Variants in NRXN2 observed in about 807,000 individuals in gnomAD.
NRXN2 encodes neurexin 2, also known as neurexin-2-beta.
In NRXN2, 29 loss-of-function variants were observed where a neutral mutation model predicts 128.8. The ratio of observed to expected loss-of-function variants is 0.23; its 90% CI spans 0.17 to 0.31. The LOEUF (loss-of-function observed/expected upper bound fraction) is 0.31. Among genes scored for constraint, NRXN2 ranks in the 10% least tolerant of loss-of-function variants. NRXN2 has a pLI of 1.00. For missense variants in NRXN2, 1,881 were observed against 2,452.6 expected, an observed-to-expected ratio of 0.77 and a Z score of 4.92; for synonymous variants, 1,098 against 1,075.2, an observed-to-expected ratio of 1.02 and a Z score of -0.41.
intron 9 of NRXN2, among the ~76,000 whole-genome samples, chr11:64,664,828 A>G (rs11605121): frequency 0.23 from 34,605 of 151,510 alleles, 4,188 homozygotes; most frequent in East Asian, 0.48. Flanking sequence ...CGTCTCCACT[A>G]AAAATACAAA....
chr11:64,713,537 A>AG lies in NRXN2; in HGVS notation c.162dup (p.Phe55LeufsTer242). Reference sequence around the variant, plus strand: ...CGCGTGGCGTTGGTGCGCAGGCTGAAGCTGAGCTCGCCGCTGCTCGCCGCG... The same window carrying AG: ...CGCGTGGCGTTGGTGCGCAGGCTGAAGGCTGAGCTCGCCGCTGCTCGCCGCG... On this transcript the variant is annotated frameshift_variant, in exon 2 of 23. Transcript: ENST00000265459. LOFTEE classifies it high-confidence loss of function. The AG allele has an allele frequency of 6.8e-7, 1 of 1,476,634 alleles. No homozygotes were observed. Among genetic ancestry groups the AG allele is most frequent in the Non-Finnish European group, 8.9e-7 (1 of 1,117,992 alleles). 91.5% of individuals were successfully genotyped at this position (1,476,634 alleles called of 1,614,324 possible). A position where few individuals can be genotyped will look rare whatever the true frequency, so the allele number is the denominator to read the frequency against.
intron 4 of NRXN2, among the ~76,000 whole-genome samples, chr11:64,691,679 A>G (rs1357425339): frequency 6.6e-6 from 1 of 152,186 alleles, no homozygotes; most frequent in Non-Finnish European, 1.5e-5. Flanking sequence ...CTGAGAGGCA[A>G]GAAGGATGTG....
intron 1 of NRXN2, among the ~76,000 whole-genome samples, chr11:64,718,785 G>A (rs2057363578): frequency 6.6e-6 from 1 of 152,122 alleles, no homozygotes; most frequent in Admixed American, 6.5e-5. Context: ...TTGGCAGACG[G>A]TGAACAGTTC....
At chr11:64,711,016 A>G (rs1365407328) in intron 2 of NRXN2, among the ~76,000 whole-genome samples, 1 of 152,190 alleles carries the variant, frequency 6.6e-6, no homozygotes, top group Non-Finnish European at 1.5e-5. Flanking sequence ...CCTTGTACCA[A>G]TAACCCCAAG....
intron 7 of NRXN2, 55 bp downstream of exon 7, chr11:64,676,938 C>G: frequency 1.4e-6 from 2 of 1,444,184 alleles, no homozygotes; most frequent in Non-Finnish European, 1.9e-6. Flanking sequence ...GAGAATCGAA[C>G]AGTTAAAAAA....
intron 20 of NRXN2, 105 bp downstream of exon 20, chr11:64,626,358 G>A (rs918144850): frequency 1.2e-6 from 1 of 861,976 alleles, no homozygotes; most frequent in African/African-American, 1.7e-5. Flanking sequence ...CCTTCACTTG[G>A]GGGTGGGCAT....
chr11:64,638,357 A>G (rs2045109717), intron 17 of NRXN2, among the ~76,000 whole-genome samples: 1 of 152,184 alleles, frequency 6.6e-6, no homozygotes, highest in Admixed American at 6.5e-5. Context: ...GGCGGCAGTA[A>G]TTACCCTGGG....
Position 64,623,319 on chromosome 11 carries a change from A to G in NRXN2, c.3848-241T>C. ...GAAGGGGAGGGCACCCAGGGTACAC[A>G]TGGGCTGGGGAAGGGGAGCCCAGTC... On this transcript the variant is annotated intron_variant, in intron 20 of 22. Coordinates refer to ENST00000265459, the MANE Select transcript of NRXN2 (RefSeq NM_015080.4). This position sits in a 1 kb window ranked among gnomAD's most constrained non-coding sequence, Gnocchi z 4.9. 1.6e-6 allele frequency: 1 copy of G among 622,212 alleles called. No homozygotes were observed. The highest frequency in any genetic ancestry group is 2.7e-6 in the Non-Finnish European group (1 of 365,358). The allele number at this position is 622,212 out of a possible 1,614,324, so 38.5% of individuals were successfully genotyped here.
intron 22 of NRXN2, among the ~76,000 whole-genome samples, chr11:64,615,858 GTGTGTGTGTGTA>G (rs2041413867): frequency 9.6e-6 from 1 of 104,132 alleles, no homozygotes; most frequent in Non-Finnish European, 2.1e-5. Flanking sequence ...GTGTGTGTGT[GTGTGTGTGTGTA>G]TGTGTATACC....
intron 5 of NRXN2, 24 bp downstream of exon 5, chr11:64,690,381 C>T: frequency 1.2e-6 from 2 of 1,606,694 alleles, no homozygotes; most frequent in Non-Finnish European, 1.7e-6. Flanking sequence ...GCTGGGCTCT[C>T]TGGGGACCAT....
Position 64,622,377 on chromosome 11 carries a change from C to T in NRXN2, c.4173+376G>A, listed in dbSNP as rs530007524. Among the ~76,000 whole-genome samples, 5 of 152,340 alleles carry T rather than the reference C, an allele frequency of 3.3e-5. No homozygotes were observed. The South Asian group carries it at 6.2e-4, about 19-fold the overall frequency. ...TCTCCCACTCTCTGCCCACACAGAA[C>T]GCTAGGCATGGCCTTCACTGGGGAA... On this transcript the variant is annotated intron_variant, in intron 21 of 22. Transcript: ENST00000265459. The surrounding 1 kb of genome is among the most constrained non-coding windows in gnomAD (Gnocchi z 4.3).
At chr11:64,675,599 G>A (rs2051199708) in intron 7 of NRXN2, 1 of 152,334 alleles carries the variant, frequency 6.6e-6, no homozygotes, top group Non-Finnish European at 1.5e-5. Context: ...TGCTGCTGCA[G>A]AGCCAGGACT....
At chr11:64,659,978 G>A (rs1565330685) in intron 11 of NRXN2, among the ~76,000 whole-genome samples, 1 of 152,236 alleles carries the variant, frequency 6.6e-6, no homozygotes, top group Non-Finnish European at 1.5e-5. Context: ...ATGAACCAAT[G>A]AATGAGCAAG....
intron 22 of NRXN2, among the ~76,000 whole-genome samples, chr11:64,613,837 T>C (rs1459679790): frequency 6.6e-6 from 1 of 152,148 alleles, no homozygotes; most frequent in Non-Finnish European, 1.5e-5. Flanking sequence ...GCGTGGAGGC[T>C]GGGAAGATAA....
intron 2 of NRXN2, among the ~76,000 whole-genome samples, chr11:64,699,425 C>CTTG (rs2054991747): frequency 1.1e-5 from 1 of 92,122 alleles, no homozygotes; most frequent in African/African-American, 4.4e-5. Context: ...TAATAGTTTT[C>CTTG]TTTTTTTTTT....
At chr11:64,642,474 C>A in intron 17 of NRXN2, 1 of 1,536,112 alleles carries the variant, frequency 6.5e-7, no homozygotes, top group Admixed American at 1.9e-5. Flanking sequence ...GGCCCAGCTG[C>A]GCACACGGGA....
chr11:64,704,623 CAGAGAGAGAG>C (rs61394963), intron 2 of NRXN2, among the ~76,000 whole-genome samples: 975 of 81,212 alleles, frequency 0.012, 9 homozygotes, highest in East Asian at 0.02. Context: ...CACACACACA[CAGAGAGAGAG>C]AGAGAGAGAG....
At chr11:64,677,144 A>C in intron 6 of NRXN2, 107 bp from the exon 7 acceptor site, 7 of 750,296 alleles carry the variant, frequency 9.3e-6, no homozygotes, top group Non-Finnish European at 1.6e-5. Flanking sequence ...AAAATGACCA[A>C]CTGTGAAACT....
At chr11:64,636,227 G>A (rs2044693850) in intron 17 of NRXN2, among the ~76,000 whole-genome samples, 1 of 152,020 alleles carries the variant, frequency 6.6e-6, no homozygotes, top group Admixed American at 6.5e-5. Flanking sequence ...GGGAGCCGGA[G>A]ATGAAGGCTC....
Sources: gnomAD v4.1 joint callset for allele counts (sites outside exome capture counted in the v4.1 genomes callset) on GRCh38, gnomAD v4.1.1 for gene constraint, Gnocchi (gnomAD v3.1) non-coding constraint, MANE v1.5 for transcripts, NCBI Gene and HGNC (gene_info 2026-07-23, HGNC 2026-07-21) for gene names.